The following DLC1 variants were observed in gnomAD, a reference collection of about 807,000 sequenced individuals.
The protein encoded by DLC1 is rho GTPase-activating protein 7.
DLC1 carries 54 observed loss-of-function variants against 140.3 expected under a neutral mutation model. The ratio of observed to expected loss-of-function variants is 0.38; its 90% CI spans 0.31 to 0.48. The LOEUF is 0.48. Among genes scored for constraint, DLC1 ranks in the 20% least tolerant of loss-of-function variants. DLC1 has a pLI of 0.96. For synonymous variants in DLC1, 986 were observed against 728.1 expected (o/e 1.35, Z -5.70); for missense variants, 2,536 against 1,907.0 (o/e 1.33, Z -6.14).
intron 2 of DLC1, among the ~76,000 whole-genome samples, chr8:13,416,494 T>C (rs1838065986): frequency 6.6e-6 from 1 of 152,170 alleles, no homozygotes; most frequent in Non-Finnish European, 1.5e-5. Context: ...CTTTGGATGA[T>C]TCAGGATGGT....
chr8:13,493,517 G>C (rs1173011783), intron 2 of DLC1, among the ~76,000 whole-genome samples: 22 of 152,100 alleles, frequency 1.4e-4, no homozygotes, highest in Admixed American at 1.4e-3. Flanking sequence ...GTAATTAGAA[G>C]AGCCATCGTT....
intron 6 of DLC1, among the ~76,000 whole-genome samples, chr8:13,112,031 G>A (rs1020102451): frequency 1.3e-5 from 2 of 152,070 alleles, no homozygotes; most frequent in African/African-American, 4.8e-5. Context: ...TGCGGGCTGT[G>A]GTCTCAGCTA....
chr8:13,174,079 G>A (rs1563136908), intron 5 of DLC1, among the ~76,000 whole-genome samples: 1 of 152,042 alleles, frequency 6.6e-6, no homozygotes, highest in East Asian at 1.9e-4. Context: ...TGTACCCAAT[G>A]TTTAGGGCCC....
chr8:13,447,493 G>A (rs969919245), intron 2 of DLC1, among the ~76,000 whole-genome samples: 1 of 152,138 alleles, frequency 6.6e-6, no homozygotes, highest in African/African-American at 2.4e-5. Flanking sequence ...CAGCTAGTAA[G>A]TAAGGAAGAT....
intron 2 of DLC1, among the ~76,000 whole-genome samples, chr8:13,409,358 T>C (rs1224147447): frequency 1.3e-5 from 2 of 152,206 alleles, no homozygotes; most frequent in Non-Finnish European, 2.9e-5. Context: ...TTACTACAAG[T>C]AGAGAGCTTG....
intron 4 of DLC1, among the ~76,000 whole-genome samples, chr8:13,366,111 C>T (rs1835466884): frequency 6.6e-6 from 1 of 152,192 alleles, no homozygotes; most frequent in Non-Finnish European, 1.5e-5. Flanking sequence ...GAATTATAGA[C>T]TCGAAGAGAA....
intron 2 of DLC1, among the ~76,000 whole-genome samples, chr8:13,484,814 G>A (rs902714758): frequency 4.6e-5 from 7 of 151,732 alleles, no homozygotes; most frequent in Non-Finnish European, 1.0e-4. Flanking sequence ...AGTCCATCTC[G>A]TCCTTCTCAC....
intron 6 of DLC1, among the ~76,000 whole-genome samples, chr8:13,111,960 G>A (rs1820148222): frequency 6.6e-6 from 1 of 152,016 alleles, no homozygotes; most frequent in Non-Finnish European, 1.5e-5. Flanking sequence ...AGCCTGAGCA[G>A]CATGGCGAGA....
At chr8:13,580,602 C>T (rs1805061871) in intron 1 of DLC1, among the ~76,000 whole-genome samples, 1 of 152,154 alleles carries the variant, frequency 6.6e-6, no homozygotes, top group Non-Finnish European at 1.5e-5. Context: ...GAGATGGACT[C>T]CCATGCAAAA....
At chr8:13,417,545 CT>C (rs1308493119) in intron 2 of DLC1, among the ~76,000 whole-genome samples, 2 of 151,148 alleles carry the variant, frequency 1.3e-5, no homozygotes, top group African/African-American at 4.9e-5. Flanking sequence ...TGAACTCATC[CT>C]TTTTTATGGC....
intron 4 of DLC1, among the ~76,000 whole-genome samples, chr8:13,369,288 T>C (rs1835627467): frequency 6.6e-6 from 1 of 151,816 alleles, no homozygotes. Flanking sequence ...AATAGATTCA[T>C]TCTTTCTATT....
intron 5 of DLC1, chr8:13,305,034 A>G: frequency 8.7e-7 from 1 of 1,150,030 alleles, no homozygotes. Context: ...TGCAGTTACA[A>G]GGAAGACCCC....
chr8:13,420,310 T>C (rs1838257123), intron 2 of DLC1, among the ~76,000 whole-genome samples: 1 of 152,234 alleles, frequency 6.6e-6, no homozygotes, highest in Admixed American at 6.5e-5. Context: ...GTCCTCATAA[T>C]AGCATGAAAG....
intron 4 of DLC1, among the ~76,000 whole-genome samples, chr8:13,327,982 A>G (rs1178090417): frequency 1.3e-5 from 2 of 152,208 alleles, no homozygotes; most frequent in Non-Finnish European, 1.5e-5. Context: ...TACATGTGCA[A>G]AAGTTCTAGG....
chr8:13,603,158 C>A (rs764317231), intron 1 of DLC1, among the ~76,000 whole-genome samples: 1 of 151,732 alleles, frequency 6.6e-6, no homozygotes, highest in African/African-American at 2.4e-5. Context: ...TTAAGTCACA[C>A]GGAATAATAA....
Position 13,088,481 on chromosome 8 carries a change from G to T in DLC1, c.4292+6C>A, listed in dbSNP as rs188408562. 1.5e-5 allele frequency: 25 copies of T among 1,614,026 alleles called. No homozygotes were observed. The highest frequency in any genetic ancestry group is 2.1e-5 in the Non-Finnish European group (25 of 1,179,922). ...TGTCACAAAAAAACAACTGGGAAGCGCTCACCTTAAAACAACGTAGTCTCG... is the reference window on the plus strand; with the variant it reads ...TGTCACAAAAAAACAACTGGGAAGCTCTCACCTTAAAACAACGTAGTCTCG... On this transcript the variant is annotated splice_donor_region_variant and intron_variant, in intron 16 of 17. Coordinates refer to ENST00000276297, the MANE Select transcript of DLC1 (RefSeq NM_182643.3).
rs112047500 is a variant in DLC1 at position 13,264,292 on chromosome 8, C to T, written c.1348+40977G>A. Reference sequence around the variant, plus strand: ...TTCACCATGTTGCCCAGGCTGGTGTCGAACTCCTGACCTCAGGTCATCCAC... The same window carrying T: ...TTCACCATGTTGCCCAGGCTGGTGTTGAACTCCTGACCTCAGGTCATCCAC... On this transcript the variant is annotated intron_variant, in intron 5 of 17. Coordinates refer to ENST00000276297, the MANE Select transcript of DLC1 (RefSeq NM_182643.3). 9.7e-3 allele frequency among the ~76,000 whole-genome samples: 1,469 copies of T among 151,998 alleles called. 22 individuals are homozygous for T. The highest frequency in any genetic ancestry group is 0.033 in the African/African-American group (1,387 of 41,434).
At chr8:13,277,438 C>A (rs1031657377) in intron 5 of DLC1, among the ~76,000 whole-genome samples, 4 of 152,062 alleles carry the variant, frequency 2.6e-5, no homozygotes, top group African/African-American at 9.7e-5. Flanking sequence ...AGGTTTTGCC[C>A]CTTAAAAAGT....
In DLC1 at chr8:13,510,214, G is replaced by A. The variant is rs550061859; in HGVS notation, c.-126+4388C>T. Among the ~76,000 whole-genome samples the A allele has an allele frequency of 2.3e-3, 320 of 140,290 alleles. 1 individual carries two copies. Among genetic ancestry groups the A allele is most frequent in the African/African-American group, 8.2e-3 (308 of 37,528 alleles). The allele number at this position is 140,290 out of a possible 152,430, so 92.0% of individuals were successfully genotyped here. ...CCTGAGATGAAGTTTTGCTCTTGTC[G>A]CCCAGTCTGGAGTGTGATGGCACAA... On this transcript the variant is annotated intron_variant, in intron 1 of 17. Transcript: ENST00000276297.
Sources: gnomAD v4.1 joint callset for allele counts (sites outside exome capture counted in the v4.1 genomes callset) on GRCh38, gnomAD v4.1.1 for gene constraint, MANE v1.5 for transcripts, NCBI Gene and HGNC (gene_info 2026-07-23, HGNC 2026-07-21) for gene names.